The following ATP8B4 variants were observed in gnomAD, a reference collection of about 807,000 sequenced individuals.
The protein encoded by ATP8B4 is probable phospholipid-transporting ATPase IM.
In ATP8B4, 133 loss-of-function variants were observed where a neutral mutation model predicts 145.6. That is an observed-to-expected ratio of 0.91 (90% CI 0.79 to 1.05). The LOEUF (loss-of-function observed/expected upper bound fraction) is 1.05, where lower values mean the gene tolerates loss of function less well. ATP8B4 is among the 50% of genes least tolerant of loss of function. The pLI, the probability that ATP8B4 is intolerant of heterozygous loss-of-function variation, is 0.00. For missense variants in ATP8B4, 1,458 were observed against 1,425.2 expected (o/e 1.02, Z -0.37); for synonymous variants, 507 against 492.9 (o/e 1.03, Z -0.38).
At chr15:49,928,792 G>C (rs771099081) in intron 16 of ATP8B4, among the ~76,000 whole-genome samples, 9 of 152,054 alleles carry the variant, frequency 5.9e-5, no homozygotes, top group Non-Finnish European at 1.2e-4. Flanking sequence ...TCTGAGGAGA[G>C]ACTTACAAAC....
At chr15:49,985,529 C>G (rs548599114) in intron 10 of ATP8B4, among the ~76,000 whole-genome samples, 210 of 152,330 alleles carry the variant, frequency 1.4e-3, no homozygotes, top group Admixed American at 3.9e-3. Flanking sequence ...CTTCTGTTTG[C>G]CAGCATTCTA....
At chr15:50,042,828 A>G (rs1292759604) in intron 5 of ATP8B4, among the ~76,000 whole-genome samples, 3 of 152,228 alleles carry the variant, frequency 2.0e-5, no homozygotes, top group Non-Finnish European at 4.4e-5. Context: ...AGCCAATAAT[A>G]TAGATAAGAT....
chr15:50,106,877 A>G lies in ATP8B4; in HGVS notation c.28+62T>C, dbSNP rs1473069616. The stretch of plus-strand genomic sequence containing the variant: ...TTTATATATAAATTAAACTTCCATG[A>G]AAAAATTAAAATTATATTTTTAAAA... On this transcript the variant is annotated intron_variant, in intron 2 of 27. Transcript: ENST00000284509. The G allele has an allele frequency of 2.7e-6, 4 of 1,501,648 alleles. No homozygotes were observed. The African/African-American group carries it at 5.8e-5, about 22-fold the overall frequency. 93.0% of individuals were successfully genotyped at this position (1,501,648 alleles called of 1,614,324 possible).
intron 20 of ATP8B4, among the ~76,000 whole-genome samples, chr15:49,906,152 C>T (rs1053479488): frequency 6.6e-6 from 1 of 152,080 alleles, no homozygotes; most frequent in Non-Finnish European, 1.5e-5. Flanking sequence ...TAACAAAATC[C>T]TTCATGGCTG....
chr15:49,971,862 G>C (rs2045169699), intron 13 of ATP8B4, among the ~76,000 whole-genome samples: 1 of 152,072 alleles, frequency 6.6e-6, no homozygotes, highest in Non-Finnish European at 1.5e-5. Context: ...CAAAGACTTG[G>C]AACCTACCCA....
At chr15:50,094,857 G>T (rs908201445) in intron 2 of ATP8B4, among the ~76,000 whole-genome samples, 10 of 151,724 alleles carry the variant, frequency 6.6e-5, no homozygotes, top group African/African-American at 2.2e-4. Context: ...CCTTCACTGC[G>T]AGCTCAGTGA....
chr15:49,950,612 AAACAAAC>A (rs1449355188), intron 14 of ATP8B4, among the ~76,000 whole-genome samples: 2 of 105,122 alleles, frequency 1.9e-5, no homozygotes, highest in African/African-American at 7.7e-5. Flanking sequence ...ACAAACAAAC[AAACAAAC>A]AAAAAAAACA....
chr15:50,165,400 C>T (rs759906770), intron 1 of ATP8B4, among the ~76,000 whole-genome samples: 5 of 152,180 alleles, frequency 3.3e-5, no homozygotes, highest in Admixed American at 6.5e-5. Flanking sequence ...ACTGTGTTCA[C>T]TCACCTGGTT....
At chr15:49,907,461 G>T (rs1046913417) in intron 20 of ATP8B4, among the ~76,000 whole-genome samples, 2 of 152,112 alleles carry the variant, frequency 1.3e-5, no homozygotes, top group Non-Finnish European at 2.9e-5. Context: ...ACTGTTTCAG[G>T]CCTGCTGCCC....
At chr15:49,912,989 G>C (rs1599092428) in intron 20 of ATP8B4, among the ~76,000 whole-genome samples, 1 of 152,128 alleles carries the variant, frequency 6.6e-6, no homozygotes, top group Middle Eastern at 3.4e-3. Flanking sequence ...TTAGTTGGGT[G>C]TGGTGGTGGC....
chr15:50,157,886 C>T (rs1299154010), intron 1 of ATP8B4, among the ~76,000 whole-genome samples: 1 of 152,202 alleles, frequency 6.6e-6, no homozygotes, highest in Non-Finnish European at 1.5e-5. Context: ...TGCCCAGTGC[C>T]TGCGATTGCA....
chr15:50,144,126 A>G (rs927171210), intron 1 of ATP8B4, among the ~76,000 whole-genome samples: 4 of 152,168 alleles, frequency 2.6e-5, no homozygotes, highest in Non-Finnish European at 5.9e-5. Context: ...TAGGAAGGCA[A>G]TCCTGGCCAC....
chr15:49,883,154 T>TG (rs1430579444), intron 23 of ATP8B4: 1 of 152,068 alleles, frequency 6.6e-6, no homozygotes, highest in Non-Finnish European at 1.5e-5. Context: ...CATTTTTTTT[T>TG]TTTTAAAGCA....
intron 13 of ATP8B4, among the ~76,000 whole-genome samples, chr15:49,970,416 C>T (rs2044997261): frequency 6.6e-6 from 1 of 152,184 alleles, no homozygotes; most frequent in South Asian, 2.1e-4. Flanking sequence ...TAAGCAACTT[C>T]AGCAAAGTCT....
At chr15:50,035,294 T>A (rs2050751267) in intron 6 of ATP8B4, among the ~76,000 whole-genome samples, 1 of 152,246 alleles carries the variant, frequency 6.6e-6, no homozygotes, top group Admixed American at 6.5e-5. Flanking sequence ...AAAGTGTGGA[T>A]GTATGTGTGT....
At chr15:50,168,216 C>A (rs1357639397) in intron 1 of ATP8B4, among the ~76,000 whole-genome samples, 2 of 152,172 alleles carry the variant, frequency 1.3e-5, no homozygotes, top group East Asian at 3.9e-4. Flanking sequence ...CCCAACAGAG[C>A]AGCATGCGAA....
chr15:50,171,173 A>T (rs2044669025), intron 1 of ATP8B4, among the ~76,000 whole-genome samples: 1 of 152,198 alleles, frequency 6.6e-6, no homozygotes, highest in African/African-American at 2.4e-5. Context: ...GTCAATAAAC[A>T]ATGAATTTAT....
intron 1 of ATP8B4, among the ~76,000 whole-genome samples, chr15:50,152,951 T>C (rs1001217261): frequency 3.3e-5 from 5 of 152,358 alleles, no homozygotes; most frequent in African/African-American, 1.2e-4. Flanking sequence ...CTGGGAAGCC[T>C]GTTTAGATAA....
chr15:49,989,101 A>G (rs2153544735), intron 9 of ATP8B4, among the ~76,000 whole-genome samples: 1 of 152,274 alleles, frequency 6.6e-6, no homozygotes, highest in Admixed American at 6.5e-5. Flanking sequence ...TTTGGATAAG[A>G]CAAACAACCT....
Sources: allele counts gnomAD v4.1 joint callset (sites outside exome capture counted in the v4.1 genomes callset), GRCh38; gene constraint gnomAD v4.1.1; transcripts MANE v1.5; gene names NCBI Gene and HGNC (gene_info 2026-07-23, HGNC 2026-07-21).